Variants in SPACA3 observed in about 807,000 individuals in gnomAD.
SPACA3 encodes the protein sperm acrosome associated 3.
Under a neutral mutation model 24.5 loss-of-function variants are expected in SPACA3, and 21 were observed. That is an observed-to-expected ratio of 0.86 (90% CI 0.61 to 1.24). The LOEUF is 1.24. SPACA3 is among the 50% of genes most tolerant of loss of function. SPACA3 has a pLI of 0.00. For missense variants in SPACA3, 278 were observed against 275.5 expected, an observed-to-expected ratio of 1.01 and a Z score of -0.06; for synonymous variants, 115 against 106.9, an observed-to-expected ratio of 1.08 and a Z score of -0.47.
Position 32,995,465 on chromosome 17 carries a change from A to G in SPACA3, c.91A>G (p.Ser31Gly). The G allele has an allele frequency of 6.2e-7, 1 of 1,613,274 alleles. No homozygotes were observed. The highest frequency in any genetic ancestry group is 8.5e-7 in the Non-Finnish European group (1 of 1,179,380). Residue 31 changes from serine to glycine, a missense_variant, in exon 2 of 5, where the codon AGC (serine) becomes GGC (glycine). Physicochemically the swap from Ser to Gly is moderately conservative, Grantham distance 56. Transcript: ENST00000269053. Reference sequence around the variant, plus strand: ...TGTGAGTGGACCACGGAGGCTGGTGAGCTGCCTGTCATCCCAAAGCTCAGC... The same window carrying G: ...TGTGAGTGGACCACGGAGGCTGGTGGGCTGCCTGTCATCCCAAAGCTCAGC... ...PSVSGPRRLVSCLSSQSSALS... is the reference protein window; with the variant it reads ...PSVSGPRRLVGCLSSQSSALS...
rs774252623 is a variant in SPACA3, at chr17:32,996,963, C to T, written c.464C>T (p.Thr155Ile). Residue 155 changes from threonine (T) to isoleucine (I), a missense_variant, in exon 3 of 5, where the codon ACC becomes ATC. Physicochemically the swap from Thr to Ile is moderately conservative, Grantham distance 89. Coordinates refer to ENST00000269053, the MANE Select transcript of SPACA3 (RefSeq NM_173847.5). ...INSRRWCSNL[T>I]PNVPNVCRMY... ...AGCCGGAGGTGGTGCAGCAACCTCA[C>T]CCCGAACGTCCCCAACGTGTGCCGG... is the stretch of plus-strand genomic sequence containing the variant. 1.3e-6 allele frequency: 2 copies of T among 1,592,012 alleles called. No individual in the cohort carries two copies. Among genetic ancestry groups the T allele is most frequent in the Non-Finnish European group, 1.7e-6 (2 of 1,169,060 alleles).
rs866657933 is a variant in SPACA3 at position 32,996,508 on chromosome 17, G to C, written c.344-335G>C. ...CGTCTCAAAAAAAAAAAAAAAAAAA[G>C]ATTTAGCACTTGTAGATTCATTCAA... On this transcript the variant is annotated intron_variant, in intron 2 of 4. Transcript: ENST00000269053. 8.0e-5 allele frequency among the ~76,000 whole-genome samples: 11 copies of C among 137,744 alleles called. No homozygotes were observed. In the South Asian group the frequency reaches 1.2e-3, roughly 15 times the overall value. 90.4% of individuals were successfully genotyped at this position (137,744 alleles called of 152,430 possible).
intron 1 of SPACA3, among the ~76,000 whole-genome samples, chr17:32,995,127 T>TG (rs2091713642): frequency 6.6e-6 from 1 of 152,230 alleles, no homozygotes; most frequent in South Asian, 2.1e-4. Context: ...ATCTGCTCAG[T>TG]GGGGCTTTGG....
At chr17:32,994,067 T>C (rs1190038758) in intron 1 of SPACA3, among the ~76,000 whole-genome samples, 4 of 152,052 alleles carry the variant, frequency 2.6e-5, no homozygotes, top group Non-Finnish European at 5.9e-5. Context: ...CTTTTCTTAG[T>C]GCAGCAGGAG....
At chr17:32,997,608 C>A in intron 4 of SPACA3, 85 bp downstream of exon 4, 1 of 1,545,064 alleles carries the variant, frequency 6.5e-7, no homozygotes. Context: ...TTTCCTTCCT[C>A]ACTTCTGGTT....
rs2091715694 is a variant in SPACA3, at chr17:32,995,441, G to T, written c.67G>T (p.Val23Leu). Residue 23 changes from valine (V) to leucine (L), a missense_variant, in exon 2 of 5, where the codon GTG becomes TTG. Val to Leu is a conservative substitution (Grantham distance 32). Transcript: ENST00000269053. The part of the protein sequence containing the change: ...VHSSPVSSPS[V>L]SGPRRLVSCL... ...CTCAAGCCCTGTTTCTTCTCCTTCT[G>T]TGAGTGGACCACGGAGGCTGGTGAG... The T allele has an allele frequency of 6.2e-7, 1 of 1,610,992 alleles. No individual in the cohort carries two copies. Among genetic ancestry groups the T allele is most frequent in the South Asian group, 1.1e-5 (1 of 90,672 alleles).
At chr17:32,992,136 G>A (rs2091693394) in intron 1 of SPACA3, among the ~76,000 whole-genome samples, 164 bp downstream of exon 1, 1 of 146,698 alleles carries the variant, frequency 6.8e-6, no homozygotes, top group South Asian at 2.2e-4. Context: ...AGAAACTCTG[G>A]AGCTGTTGTG....
chr17:32,996,165 T>C (rs1315250125), intron 2 of SPACA3, among the ~76,000 whole-genome samples: 1 of 152,192 alleles, frequency 6.6e-6, no homozygotes, highest in Non-Finnish European at 1.5e-5. Context: ...AGATTCCACC[T>C]GGGTCTTCCT....
intron 1 of SPACA3, among the ~76,000 whole-genome samples, chr17:32,992,218 G>T (rs2091694221): frequency 6.8e-6 from 1 of 146,442 alleles, no homozygotes. Context: ...ATCAAAAACA[G>T]TCCATGTGTA....
rs1567711480 is a variant in SPACA3 at position 32,995,398 on chromosome 17, C to G, written c.35-11C>G. The G allele has an allele frequency of 6.3e-7, 1 of 1,579,100 alleles. No homozygotes were observed. Among genetic ancestry groups the G allele is most frequent in the Non-Finnish European group, 8.6e-7 (1 of 1,161,476 alleles). On this transcript the variant is annotated splice_polypyrimidine_tract_variant and intron_variant, in intron 1 of 4. Transcript: ENST00000269053. The stretch of plus-strand genomic sequence containing the variant: ...TTCTGCCCACCCCTTCTCTCCTCTC[C>G]CCTTTCCCAGGGGTGCACTCAAGCC...
At chr17:32,997,373 ACACT>A (rs1454959226) in intron 3 of SPACA3, 68 bp from the exon 4 acceptor site, 19 of 1,153,904 alleles carry the variant, frequency 1.6e-5, no homozygotes, top group East Asian at 2.3e-5. Flanking sequence ...AGACAGATAC[ACACT>A]CACACACACA....
intron 4 of SPACA3, 74 bp downstream of exon 4, chr17:32,997,597 C>T (rs1349081849): frequency 1.3e-6 from 2 of 1,547,678 alleles, no homozygotes; most frequent in Non-Finnish European, 1.8e-6. Context: ...GAACAAACCC[C>T]TTTCCTTCCT....
chr17:32,992,769 A>G, intron 1 of SPACA3: 1 of 410,022 alleles, frequency 2.4e-6, no homozygotes, highest in Non-Finnish European at 4.9e-6. Context: ...GTGAGAGAAC[A>G]AGGTGGCACT....
intron 3 of SPACA3, 27 bp from the exon 4 acceptor site, chr17:32,997,418 A>G (rs1259649152): frequency 6.3e-7 from 1 of 1,596,844 alleles, no homozygotes; most frequent in Non-Finnish European, 8.6e-7. Context: ...CTGTTCTCTC[A>G]TTGTGTTTCT....
At chr17:32,992,865 C>A (rs1052617117) in intron 1 of SPACA3, 5 of 469,934 alleles carry the variant, frequency 1.1e-5, no homozygotes, top group Non-Finnish European at 2.2e-5. Flanking sequence ...CTCGAAGGGG[C>A]AGTTATGGTG....
intron 1 of SPACA3, among the ~76,000 whole-genome samples, chr17:32,993,603 C>A (rs1005299835): frequency 6.6e-6 from 1 of 152,012 alleles, no homozygotes; most frequent in Non-Finnish European, 1.5e-5. Context: ...TCGAAGGGGG[C>A]CTCCTTGGAC....
chr17:32,995,859 G>T, intron 2 of SPACA3, 142 bp downstream of exon 2: 1 of 1,026,986 alleles, frequency 9.7e-7, no homozygotes. Flanking sequence ...TGAGATGGCA[G>T]GTAGAGAACA....
chr17:32,992,009 AGGGGCGCT>A, intron 1 of SPACA3, 37 bp downstream of exon 1: 2 of 1,610,802 alleles, frequency 1.2e-6, no homozygotes, highest in Non-Finnish European at 1.7e-6. Context: ...GGCTGTTAAC[AGGGGCGCT>A]GGGTTGGTCT....
intron 1 of SPACA3, among the ~76,000 whole-genome samples, chr17:32,993,156 C>G (rs377205906): frequency 3.6e-4 from 55 of 152,172 alleles, no homozygotes; most frequent in African/African-American, 1.3e-3. Context: ...TGTGGCCCAT[C>G]ATGTTTTAAA....
Sources: gnomAD v4.1 joint callset for allele counts (sites outside exome capture counted in the v4.1 genomes callset) on GRCh38, gnomAD v4.1.1 for gene constraint, MANE v1.5 for transcripts, NCBI Gene and HGNC (gene_info 2026-07-23, HGNC 2026-07-21) for gene names.